Variants in COMMD10 observed in about 807,000 individuals in gnomAD.
COMMD10 encodes COMM domain-containing protein 10.
Under a neutral mutation model 28.9 loss-of-function variants are expected in COMMD10, and 33 were observed. The ratio of observed to expected loss-of-function variants is 1.14; its 90% CI spans 0.87 to 1.53. The LOEUF (loss-of-function observed/expected upper bound fraction) is 1.53, where lower values mean the gene tolerates loss of function less well. Among genes scored for constraint, COMMD10 ranks in the 40% most tolerant of loss-of-function variants. COMMD10 has a pLI of 0.00. For synonymous variants in COMMD10, 110 were observed against 81.7 expected, an observed-to-expected ratio of 1.35 and a Z score of -1.87; for missense variants, 310 against 233.4, an observed-to-expected ratio of 1.33 and a Z score of -2.14.
At chr5:116,199,566 G>T (rs114842260) in intron 5 of COMMD10, among the ~76,000 whole-genome samples, 4,733 of 150,688 alleles carry the variant, frequency 0.031, 100 homozygotes, top group Admixed American at 0.053. Context: ...GGATCTGTTA[G>T]ATCAATTAAG....
intron 5 of COMMD10, among the ~76,000 whole-genome samples, chr5:116,286,850 C>G (rs1207940689): frequency 6.6e-6 from 1 of 151,670 alleles, no homozygotes; most frequent in East Asian, 1.9e-4. Flanking sequence ...TTAGAGTGTT[C>G]CGTATATGTC....
intron 5 of COMMD10, among the ~76,000 whole-genome samples, chr5:116,166,947 AAAGGATC>A (rs1753140746): frequency 6.6e-6 from 1 of 152,232 alleles, no homozygotes; most frequent in East Asian, 1.9e-4. Context: ...ATTCTCCTCC[AAAGGATC>A]ACAGTTCCTC....
chr5:116,176,531 C>T (rs1053803209), intron 5 of COMMD10, among the ~76,000 whole-genome samples: 1 of 152,206 alleles, frequency 6.6e-6, no homozygotes, highest in East Asian at 1.9e-4. Flanking sequence ...TGTATGTCTT[C>T]ATTTTAAAGT....
At chr5:116,121,597 A>T (rs1417974323) in intron 4 of COMMD10, among the ~76,000 whole-genome samples, 2 of 152,234 alleles carry the variant, frequency 1.3e-5, no homozygotes, top group Non-Finnish European at 2.9e-5. Flanking sequence ...CACTCCCACC[A>T]ACAGTGTAAA....
At chr5:116,148,665 G>T (rs982113937) in intron 5 of COMMD10, among the ~76,000 whole-genome samples, 2 of 151,532 alleles carry the variant, frequency 1.3e-5, no homozygotes, top group Non-Finnish European at 3.0e-5. Context: ...TCTGACAATG[G>T]ATTCTTAATA....
chr5:116,281,721 G>A (rs1751073423), intron 5 of COMMD10, among the ~76,000 whole-genome samples: 1 of 151,780 alleles, frequency 6.6e-6, no homozygotes, highest in African/African-American at 2.4e-5. Flanking sequence ...CAGTTGTATT[G>A]CCTGTATACT....
chr5:116,140,732 T>C (rs1273434112), intron 5 of COMMD10, among the ~76,000 whole-genome samples: 1 of 151,910 alleles, frequency 6.6e-6, no homozygotes, highest in Non-Finnish European at 1.5e-5. Context: ...TTTGGAGAAA[T>C]TTCTATTTAG....
At chr5:116,161,209 A>G (rs938259557) in intron 5 of COMMD10, among the ~76,000 whole-genome samples, 4 of 152,168 alleles carry the variant, frequency 2.6e-5, no homozygotes, top group African/African-American at 9.7e-5. Flanking sequence ...GGATTCAGCA[A>G]ACCTGGTTTA....
intron 4 of COMMD10, among the ~76,000 whole-genome samples, chr5:116,103,498 CA>C (rs1435190956): frequency 5.9e-5 from 9 of 152,108 alleles, no homozygotes; most frequent in Non-Finnish European, 1.5e-5. Flanking sequence ...ATCCTTTGCC[CA>C]CTTTTTGATG....
rs1751266306 is a variant in COMMD10 at position 116,288,068 on chromosome 5, C to G, written c.511-3449C>G. On this transcript the variant is annotated intron_variant, in intron 5 of 6. Coordinates refer to ENST00000274458, the MANE Select transcript of COMMD10 (RefSeq NM_016144.4). ...CAGCTTTGTGTTTTTGCCTGCTGTCCTTTCATTTCAACTTAAAGAACTTCC... is the reference window on the plus strand; with the variant it reads ...CAGCTTTGTGTTTTTGCCTGCTGTCGTTTCATTTCAACTTAAAGAACTTCC... 5.3e-5 allele frequency among the ~76,000 whole-genome samples: 8 copies of G among 151,712 alleles called. No homozygotes were observed. In the South Asian group the frequency reaches 1.5e-3, roughly 28 times the overall value.
chr5:116,225,525 G>A (rs1749372745), intron 5 of COMMD10, among the ~76,000 whole-genome samples: 1 of 151,936 alleles, frequency 6.6e-6, no homozygotes, highest in African/African-American at 2.4e-5. Context: ...CTCCTGTGAG[G>A]TATTCAGCTT....
At chr5:116,095,956 G>C (rs1750454083) in intron 4 of COMMD10, among the ~76,000 whole-genome samples, 1 of 151,852 alleles carries the variant, frequency 6.6e-6, no homozygotes, top group African/African-American at 2.4e-5. Flanking sequence ...ATCTCTCTTT[G>C]ATTTCATTGA....
At chr5:116,271,516 G>A (rs917407255) in intron 5 of COMMD10, among the ~76,000 whole-genome samples, 2 of 151,340 alleles carry the variant, frequency 1.3e-5, no homozygotes, top group African/African-American at 2.4e-5. Flanking sequence ...TCCATGAATT[G>A]GGTTAACATT....
chr5:116,251,992 G>A (rs1157214420), intron 5 of COMMD10, among the ~76,000 whole-genome samples: 2 of 6,212 alleles, frequency 3.2e-4, no homozygotes, highest in African/African-American at 1.7e-4. Flanking sequence ...CATTCTAAGT[G>A]GTGTGAGAAG....
intron 5 of COMMD10, among the ~76,000 whole-genome samples, chr5:116,142,680 C>T (rs547370541): frequency 2.1e-4 from 32 of 151,592 alleles, no homozygotes; most frequent in African/African-American, 7.7e-4. Flanking sequence ...AGTAAAAAGC[C>T]CAGATATTTT....
At chr5:116,140,917 A>G (rs1316361111) in intron 5 of COMMD10, among the ~76,000 whole-genome samples, 2 of 151,776 alleles carry the variant, frequency 1.3e-5, no homozygotes, top group Non-Finnish European at 2.9e-5. Context: ...TTTTCTGTAC[A>G]GGAGCTTTTA....
At chr5:116,279,301 C>G (rs940943698) in intron 5 of COMMD10, among the ~76,000 whole-genome samples, 3 of 151,854 alleles carry the variant, frequency 2.0e-5, no homozygotes, top group African/African-American at 4.9e-5. Context: ...TGCTTACATT[C>G]TTAAATAGGT....
intron 5 of COMMD10, among the ~76,000 whole-genome samples, chr5:116,175,670 G>A (rs1355835441): frequency 1.3e-5 from 2 of 152,084 alleles, no homozygotes; most frequent in Admixed American, 6.6e-5. Flanking sequence ...GTATATATAT[G>A]CAACGGGATA....
At chr5:116,220,547 T>C (rs969547231) in intron 5 of COMMD10, among the ~76,000 whole-genome samples, 1 of 152,140 alleles carries the variant, frequency 6.6e-6, no homozygotes, top group African/African-American at 2.4e-5. Context: ...TTGGACTTTT[T>C]GTGAGAGAAA....
Sources: allele counts gnomAD v4.1 joint callset (sites outside exome capture counted in the v4.1 genomes callset), GRCh38; gene constraint gnomAD v4.1.1; transcripts MANE v1.5; gene names NCBI Gene and HGNC (gene_info 2026-07-23, HGNC 2026-07-21).